Variants in SHISA9 observed in about 807,000 individuals in gnomAD.
SHISA9 encodes shisa family member 9, also known as protein shisa-9.
SHISA9 carries 13 observed loss-of-function variants against 38.0 expected under a neutral mutation model. The observed-to-expected ratio is 0.34, with a 90% CI of 0.22 to 0.54. The LOEUF (loss-of-function observed/expected upper bound fraction) is 0.54. SHISA9 is among the 20% of genes least tolerant of loss of function. The pLI is 0.91. For synonymous variants in SHISA9, 275 were observed against 242.0 expected (o/e 1.14, Z -1.27); for missense variants, 538 against 575.8 (o/e 0.93, Z 0.67).
the SHISA9 span, among the ~76,000 whole-genome samples, chr16:13,252,370 C>T: frequency 2.6e-5 from 4 of 152,206 alleles, no homozygotes; most frequent in Admixed American, 2.6e-4. Flanking sequence ...TAGGTTGCTA[C>T]TGGCATGTAG....
intron 2 of SHISA9, among the ~76,000 whole-genome samples, chr16:12,974,738 C>T (rs1449385567): frequency 6.6e-6 from 1 of 151,884 alleles, no homozygotes; most frequent in Non-Finnish European, 1.5e-5. Flanking sequence ...CTGCCTCGGC[C>T]TCCCATCTAG....
the SHISA9 span, among the ~76,000 whole-genome samples, chr16:13,510,707 GT>G: frequency 6.6e-6 from 1 of 151,634 alleles, no homozygotes; most frequent in African/African-American, 2.4e-5. Flanking sequence ...CATTATTTTT[GT>G]TTTATAATTC....
At chr16:13,148,176 G>A (rs2050464240) in intron 2 of SHISA9, among the ~76,000 whole-genome samples, 1 of 151,974 alleles carries the variant, frequency 6.6e-6, no homozygotes, top group Admixed American at 6.6e-5. Context: ...CCGTACTTCT[G>A]GTGCATCACC....
At chr16:13,307,361 C>T in the SHISA9 span, among the ~76,000 whole-genome samples, 1 of 152,158 alleles carries the variant, frequency 6.6e-6, no homozygotes, top group African/African-American at 2.4e-5. Flanking sequence ...CTATTTCCTC[C>T]TGGCTTGTGG....
the SHISA9 span, among the ~76,000 whole-genome samples, chr16:13,366,935 A>T: frequency 6.7e-6 from 1 of 148,736 alleles, no homozygotes; most frequent in East Asian, 2.0e-4. Flanking sequence ...GTGAGCTGAG[A>T]TCTCGCCACT....
intron 2 of SHISA9, among the ~76,000 whole-genome samples, chr16:13,032,971 G>C (rs1301056247): frequency 6.6e-6 from 1 of 152,240 alleles, no homozygotes; most frequent in Non-Finnish European, 1.5e-5. Flanking sequence ...CCAGGACTTA[G>C]TTTCCATTTG....
chr16:13,255,321 C>G, the SHISA9 span, among the ~76,000 whole-genome samples: 1 of 152,000 alleles, frequency 6.6e-6, no homozygotes, highest in Non-Finnish European at 1.5e-5. Flanking sequence ...ATTTCTCATC[C>G]TCTGAGATCT....
At chr16:13,069,396 T>C (rs555762995) in intron 2 of SHISA9, among the ~76,000 whole-genome samples, 1 of 152,172 alleles carries the variant, frequency 6.6e-6, no homozygotes, top group East Asian at 1.9e-4. Context: ...TGTGTATGTG[T>C]GTACATACAA....
At chr16:13,050,925 C>G (rs2073243947) in intron 2 of SHISA9, among the ~76,000 whole-genome samples, 1 of 152,188 alleles carries the variant, frequency 6.6e-6, no homozygotes, top group South Asian at 2.1e-4. Flanking sequence ...TGCATAGAAG[C>G]AGTATAACAG....
intron 2 of SHISA9, among the ~76,000 whole-genome samples, chr16:13,026,607 C>T (rs9673476): frequency 0.46 from 70,182 of 151,998 alleles, 16,348 homozygotes; most frequent in African/African-American, 0.48. Context: ...ATTGCTGCAT[C>T]GTATGGTAGT....
chr16:13,504,969 A>G, the SHISA9 span, among the ~76,000 whole-genome samples: 40 of 152,288 alleles, frequency 2.6e-4, no homozygotes, highest in Admixed American at 1.0e-3. Context: ...CTCAGGCCCC[A>G]AAAGAAATGG....
At chr16:13,257,742 T>TCTTAA in the SHISA9 span, among the ~76,000 whole-genome samples, 2 of 152,216 alleles carry the variant, frequency 1.3e-5, no homozygotes, top group African/African-American at 4.8e-5. Flanking sequence ...AACATGACTT[T>TCTTAA]TAGAGTGTGA....
chr16:13,532,590 C>T, the SHISA9 span, among the ~76,000 whole-genome samples: 17 of 126,888 alleles, frequency 1.3e-4, no homozygotes, highest in Non-Finnish European at 2.6e-4. Flanking sequence ...TGTGTGAACG[C>T]TAACTAAAAT....
In SHISA9 at chr16:12,994,371, C is replaced by T. The variant is rs115687179; in HGVS notation, c.691+77556C>T. On this transcript the variant is annotated intron_variant, in intron 2 of 4. Transcript: ENST00000558583. ...ACAATGTCTCCTCTCCTTTGAAAGA[C>T]ACTTCCTTACTCCACTGATGCTGGG... Among the ~76,000 whole-genome samples, 663 of 152,324 alleles carry T rather than the reference C, an allele frequency of 4.4e-3. 5 individuals are homozygous for T. Among genetic ancestry groups the T allele is most frequent in the African/African-American group, 0.016 (645 of 41,566 alleles).
At chr16:13,227,550 G>A (rs572416864) in intron 4 of SHISA9, among the ~76,000 whole-genome samples, 44 of 152,242 alleles carry the variant, frequency 2.9e-4, no homozygotes, top group Admixed American at 1.3e-3. Context: ...GACAACCTTG[G>A]GCCAGAGATG....
chr16:13,113,250 G>T (rs2073997689), intron 2 of SHISA9, among the ~76,000 whole-genome samples: 1 of 150,534 alleles, frequency 6.6e-6, no homozygotes. Flanking sequence ...ACATCTTCCT[G>T]GTTTTCAGGC....
the SHISA9 span, among the ~76,000 whole-genome samples, chr16:13,297,678 T>C: frequency 6.6e-6 from 1 of 152,212 alleles, no homozygotes; most frequent in East Asian, 1.9e-4. Context: ...TTGAGCTTCT[T>C]GACAGTCAGA....
the SHISA9 span, among the ~76,000 whole-genome samples, chr16:13,434,727 T>C: frequency 6.6e-6 from 1 of 152,180 alleles, no homozygotes; most frequent in Admixed American, 6.5e-5. Flanking sequence ...CTAGAAAAGC[T>C]ATGTTTTATA....
At chr16:13,032,076 A>G (rs2072997317) in intron 2 of SHISA9, among the ~76,000 whole-genome samples, 2 of 151,866 alleles carry the variant, frequency 1.3e-5, no homozygotes, top group South Asian at 2.1e-4. Flanking sequence ...TTACATAGGT[A>G]TACGTGTGCC....
Sources: allele counts gnomAD v4.1 joint callset (sites outside exome capture counted in the v4.1 genomes callset), GRCh38; gene constraint gnomAD v4.1.1; transcripts MANE v1.5; gene names NCBI Gene and HGNC (gene_info 2026-07-23, HGNC 2026-07-21).